Variants in CHCHD3 observed in about 807,000 individuals in gnomAD.
CHCHD3 encodes the protein MICOS complex subunit MIC19.
In CHCHD3, 20 loss-of-function variants were observed where a neutral mutation model predicts 38.2. The observed-to-expected ratio is 0.52, with a 90% CI of 0.37 to 0.76. CHCHD3 has a LOEUF of 0.76. CHCHD3 is among the 30% of genes least tolerant of loss of function. CHCHD3 has a pLI of 0.00. For synonymous variants in CHCHD3, 82 were observed against 100.0 expected (o/e 0.82, Z 1.07); for missense variants, 245 against 279.2 (o/e 0.88, Z 0.87).
intron 7 of CHCHD3, among the ~76,000 whole-genome samples, chr7:132,791,256 A>C (rs1282970291): frequency 6.6e-6 from 1 of 152,214 alleles, no homozygotes; most frequent in Non-Finnish European, 1.5e-5. Context: ...CAAACCCCTC[A>C]GGGGATTCTG....
chr7:132,996,038 A>G (rs1240369026), intron 3 of CHCHD3, among the ~76,000 whole-genome samples: 1 of 152,200 alleles, frequency 6.6e-6, no homozygotes, highest in Non-Finnish European at 1.5e-5. Flanking sequence ...AAAATCACAT[A>G]GGAAAACATG....
chr7:133,054,583 T>C (rs1446884199), intron 2 of CHCHD3, among the ~76,000 whole-genome samples: 1 of 152,206 alleles, frequency 6.6e-6, no homozygotes, highest in Admixed American at 6.5e-5. Context: ...ACACAAAATG[T>C]GTATAACATA....
chr7:133,009,176 CA>C (rs796233834), intron 3 of CHCHD3, among the ~76,000 whole-genome samples: 2 of 151,880 alleles, frequency 1.3e-5, no homozygotes, highest in African/African-American at 4.8e-5. Context: ...CCAGCCTGGC[CA>C]ACATGTGACA....
chr7:132,830,975 T>C (rs1807634019), intron 6 of CHCHD3, among the ~76,000 whole-genome samples: 1 of 152,140 alleles, frequency 6.6e-6, no homozygotes. Flanking sequence ...CTGCAGCTGC[T>C]ATATTTCTTG....
chr7:132,812,139 G>T (rs947162138), intron 6 of CHCHD3, among the ~76,000 whole-genome samples: 1 of 147,412 alleles, frequency 6.8e-6, no homozygotes, highest in African/African-American at 2.5e-5. Flanking sequence ...TATCCATTCT[G>T]TCACGTAGTC....
intron 4 of CHCHD3, among the ~76,000 whole-genome samples, chr7:132,967,772 A>T (rs970371292): frequency 1.1e-4 from 16 of 151,496 alleles, no homozygotes; most frequent in Non-Finnish European, 2.2e-4. Context: ...CAAGGCTGCA[A>T]TGAGCCGTGA....
intron 3 of CHCHD3, among the ~76,000 whole-genome samples, chr7:132,978,543 G>GAATA (rs144255546): frequency 6.6e-6 from 1 of 152,086 alleles, no homozygotes; most frequent in Non-Finnish European, 1.5e-5. Flanking sequence ...ATGAATGAAT[G>GAATA]AATAAATAAA....
intron 6 of CHCHD3, among the ~76,000 whole-genome samples, chr7:132,801,261 A>G (rs1806785254): frequency 6.6e-6 from 1 of 152,162 alleles, no homozygotes; most frequent in South Asian, 2.1e-4. Flanking sequence ...AAATATCCTA[A>G]TATTTGTTTT....
intron 2 of CHCHD3, among the ~76,000 whole-genome samples, chr7:133,055,396 TATA>T (rs1814290583): frequency 6.9e-6 from 1 of 145,144 alleles, no homozygotes; most frequent in Non-Finnish European, 1.5e-5. Context: ...GTTATATAAT[TATA>T]ATAGTTATGT....
chr7:132,953,704 C>A (rs1363522053), intron 4 of CHCHD3, among the ~76,000 whole-genome samples: 1 of 152,190 alleles, frequency 6.6e-6, no homozygotes, highest in Admixed American at 6.5e-5. Flanking sequence ...TATGGAAATG[C>A]AAGTATAAAT....
At chr7:132,923,195 T>C (rs1810300821) in intron 4 of CHCHD3, among the ~76,000 whole-genome samples, 1 of 152,202 alleles carries the variant, frequency 6.6e-6, no homozygotes, top group Non-Finnish European at 1.5e-5. Flanking sequence ...AAAATTCAAA[T>C]GCACCAATAG....
At position 132,788,895 on chromosome 7, in the gene CHCHD3, G is replaced by C. The variant is rs1806388320; in HGVS notation, c.661-3235C>G. Among the ~76,000 whole-genome samples the C allele has an allele frequency of 6.6e-6, 1 of 152,128 alleles. No homozygotes were observed. Among genetic ancestry groups the C allele is most frequent in the South Asian group, 2.1e-4 (1 of 4,824 alleles). ...CTCACTTGCTACCAAAGGGTGGCAG[G>C]GGTGGTACAAAACCATCTCAATTCT... On this transcript the variant is annotated intron_variant, in intron 7 of 7. Transcript: ENST00000262570. This position sits in a 1 kb window ranked among gnomAD's most constrained non-coding sequence, Gnocchi z 4.0.
chr7:132,950,776 CTTGATT>C (rs1428570220), intron 4 of CHCHD3, among the ~76,000 whole-genome samples: 1 of 152,080 alleles, frequency 6.6e-6, no homozygotes, highest in African/African-American at 2.4e-5. Flanking sequence ...TATGTGGTTT[CTTGATT>C]TTATCAAAAT....
intron 7 of CHCHD3, among the ~76,000 whole-genome samples, chr7:132,792,595 C>T (rs1405256708): frequency 6.6e-6 from 1 of 152,174 alleles, no homozygotes; most frequent in Non-Finnish European, 1.5e-5. Flanking sequence ...CTGCTTGTAC[C>T]AAATAGGCCA....
At chr7:132,987,876 C>T (rs762134182) in intron 3 of CHCHD3, among the ~76,000 whole-genome samples, 4 of 152,100 alleles carry the variant, frequency 2.6e-5, no homozygotes, top group Non-Finnish European at 5.9e-5. Flanking sequence ...ACCCTCCAGC[C>T]TGAAGACAAG....
chr7:132,836,544 A>G (rs1807787367), intron 6 of CHCHD3, among the ~76,000 whole-genome samples: 1 of 152,146 alleles, frequency 6.6e-6, no homozygotes, highest in Non-Finnish European at 1.5e-5. Flanking sequence ...CAATGGCACA[A>G]TCATAGCTCA....
intron 6 of CHCHD3, among the ~76,000 whole-genome samples, chr7:132,813,827 G>T (rs962754659): frequency 3.9e-5 from 6 of 152,140 alleles, no homozygotes; most frequent in African/African-American, 1.4e-4. Context: ...TTGATGAAGG[G>T]ATTAAAAAGC....
At chr7:132,997,775 C>T (rs1467509504) in intron 3 of CHCHD3, among the ~76,000 whole-genome samples, 4 of 150,916 alleles carry the variant, frequency 2.7e-5, no homozygotes, top group African/African-American at 2.4e-5. Context: ...TTACACTCTG[C>T]GAATATCAAA....
chr7:132,830,394 T>C (rs1286305371), intron 6 of CHCHD3, among the ~76,000 whole-genome samples: 1 of 152,168 alleles, frequency 6.6e-6, no homozygotes, highest in East Asian at 1.9e-4. Context: ...TTTCCTAAAA[T>C]GGGAGCCACT....
Sources: allele counts gnomAD v4.1 joint callset (sites outside exome capture counted in the v4.1 genomes callset), GRCh38; gene constraint gnomAD v4.1.1; non-coding constraint Gnocchi (gnomAD v3.1); transcripts MANE v1.5; gene names NCBI Gene and HGNC (gene_info 2026-07-23, HGNC 2026-07-21).